The following CSMD1 variants were observed in gnomAD, a reference collection of about 807,000 sequenced individuals.
CSMD1 encodes CUB and sushi domain-containing protein 1.
In CSMD1, 213 loss-of-function variants were observed where a neutral mutation model predicts 417.5. That is an observed-to-expected ratio of 0.51 (90% confidence interval 0.46 to 0.57). The LOEUF (loss-of-function observed/expected upper bound fraction) is 0.57, where lower values mean the gene tolerates loss of function less well. Ranked by LOEUF, CSMD1 falls within the 20% of genes least tolerant of loss-of-function variation. CSMD1 has a pLI of 0.00. For synonymous variants in CSMD1, 2,862 were observed against 1,736.8 expected, an observed-to-expected ratio of 1.65 and a Z score of -16.11; for missense variants, 6,923 against 4,529.7, an observed-to-expected ratio of 1.53 and a Z score of -15.17.
intron 2 of CSMD1, among the ~76,000 whole-genome samples, chr8:4,463,697 C>T (rs530228826): frequency 1.3e-5 from 2 of 152,226 alleles, no homozygotes; most frequent in African/African-American, 4.8e-5. Flanking sequence ...CCAGAATAGG[C>T]CAATCCCTAG....
At chr8:4,319,559 T>G (rs4875332) in intron 3 of CSMD1, among the ~76,000 whole-genome samples, 123,856 of 151,968 alleles carry the variant, frequency 0.82, 51,363 homozygotes, top group East Asian at 1. Flanking sequence ...AAAGGAAACA[T>G]TAATTGTTGG....
chr8:3,722,244 A>G (rs6558812), intron 6 of CSMD1, among the ~76,000 whole-genome samples: 117,753 of 151,982 alleles, frequency 0.77, 46,328 homozygotes, highest in South Asian at 0.9. Flanking sequence ...GGAGGCAGAG[A>G]TTGCAGTGAG....
chr8:4,839,529 T>C (rs1244316524), intron 1 of CSMD1, among the ~76,000 whole-genome samples: 1 of 152,138 alleles, frequency 6.6e-6, no homozygotes, highest in African/African-American at 2.4e-5. Flanking sequence ...CTGGGAGCAA[T>C]TTCTTTTTCC....
At chr8:3,262,185 ATATATATATAT>A (rs1335563266) in intron 26 of CSMD1, among the ~76,000 whole-genome samples, 5 of 46,298 alleles carry the variant, frequency 1.1e-4, no homozygotes, top group African/African-American at 4.2e-4. Context: ...GCTCATATGA[ATATATATATAT>A]ATATATATAT....
chr8:3,950,347 T>TCTGCATAAAGTTTAA (rs1374607478), intron 5 of CSMD1, among the ~76,000 whole-genome samples: 1 of 152,212 alleles, frequency 6.6e-6, no homozygotes, highest in African/African-American at 2.4e-5. Flanking sequence ...CTCTAGCTGG[T>TCTGCATAAAGTTTAA]CTGCATAAAG....
At chr8:3,723,002 G>A (rs967020728) in intron 6 of CSMD1, among the ~76,000 whole-genome samples, 6 of 152,166 alleles carry the variant, frequency 3.9e-5, no homozygotes, top group South Asian at 2.1e-4. Flanking sequence ...TTCTGCAGGT[G>A]AAGCTCAGCT....
intron 18 of CSMD1, among the ~76,000 whole-genome samples, chr8:3,382,788 G>C (rs938993278): frequency 1.3e-5 from 2 of 151,488 alleles, no homozygotes; most frequent in Non-Finnish European, 2.9e-5. Context: ...ATTTTTGGTT[G>C]TCTGACCCTT....
intron 6 of CSMD1, among the ~76,000 whole-genome samples, chr8:3,726,291 A>C (rs1293339356): frequency 2.0e-5 from 3 of 152,224 alleles, no homozygotes; most frequent in Non-Finnish European, 4.4e-5. Context: ...TCCCTTAAAA[A>C]ATACGTGAGC....
intron 3 of CSMD1, among the ~76,000 whole-genome samples, chr8:4,319,075 G>A (rs1799109655): frequency 6.6e-6 from 1 of 152,132 alleles, no homozygotes; most frequent in East Asian, 1.9e-4. Context: ...TACTTCATTA[G>A]TAGTCCTCAC....
chr8:4,794,746 T>C (rs1051816992), intron 1 of CSMD1, among the ~76,000 whole-genome samples: 5 of 152,202 alleles, frequency 3.3e-5, no homozygotes, highest in Non-Finnish European at 5.9e-5. Context: ...GAACAGATTA[T>C]TGAGCCATTT....
chr8:4,622,252 G>C (rs1373364126), intron 2 of CSMD1, among the ~76,000 whole-genome samples: 1 of 151,962 alleles, frequency 6.6e-6, no homozygotes, highest in African/African-American at 2.4e-5. Flanking sequence ...AGAAGAAAAA[G>C]GCAAAAGAGG....
chr8:3,575,439 C>G (rs748352310), intron 9 of CSMD1, among the ~76,000 whole-genome samples: 8 of 152,106 alleles, frequency 5.3e-5, no homozygotes, highest in Non-Finnish European at 1.2e-4. Context: ...TCCATACACA[C>G]CTAATTGTGT....
chr8:3,464,405 A>G (rs1398137084), intron 12 of CSMD1, among the ~76,000 whole-genome samples: 2 of 152,104 alleles, frequency 1.3e-5, no homozygotes, highest in Admixed American at 1.3e-4. Flanking sequence ...TCAATTGAGC[A>G]TAGGGATTTT....
intron 3 of CSMD1, among the ~76,000 whole-genome samples, chr8:4,344,697 A>G (rs1800680743): frequency 6.6e-6 from 1 of 152,086 alleles, no homozygotes; most frequent in Non-Finnish European, 1.5e-5. Context: ...ATGTTTCCTA[A>G]AAATAAAAAG....
At chr8:3,048,508 G>C (rs1001982541) in intron 50 of CSMD1, among the ~76,000 whole-genome samples, 4 of 152,070 alleles carry the variant, frequency 2.6e-5, no homozygotes, top group Non-Finnish European at 4.4e-5. Context: ...TCAATAAATG[G>C]TGCTGGAAAA....
At chr8:4,860,355 T>G (rs999006393) in intron 1 of CSMD1, among the ~76,000 whole-genome samples, 39 of 151,308 alleles carry the variant, frequency 2.6e-4, no homozygotes, top group Non-Finnish European at 2.2e-4. Context: ...GGCACATGTA[T>G]ACATATGTAA....
At chr8:3,366,598 T>C (rs1359892985) in intron 20 of CSMD1, among the ~76,000 whole-genome samples, 3 of 152,196 alleles carry the variant, frequency 2.0e-5, no homozygotes, top group African/African-American at 7.2e-5. Flanking sequence ...ACCTGCTTCT[T>C]TCATCCTAGA....
At chr8:3,684,546 T>A (rs1329171699) in intron 7 of CSMD1, among the ~76,000 whole-genome samples, 1 of 151,390 alleles carries the variant, frequency 6.6e-6, no homozygotes, top group East Asian at 1.9e-4. Flanking sequence ...CAAATGGCAC[T>A]GTCTTTCTAT....
intron 2 of CSMD1, among the ~76,000 whole-genome samples, chr8:4,485,875 C>T (rs1394788802): frequency 1.3e-5 from 2 of 151,870 alleles, no homozygotes; most frequent in Non-Finnish European, 2.9e-5. Context: ...TGACATTTCA[C>T]TCTGACCAGG....
Sources: allele counts gnomAD v4.1 joint callset (sites outside exome capture counted in the v4.1 genomes callset), GRCh38; gene constraint gnomAD v4.1.1; transcripts MANE v1.5; gene names NCBI Gene and HGNC (gene_info 2026-07-23, HGNC 2026-07-21).